The following PDE12 variants were observed in gnomAD, a reference collection of about 807,000 sequenced individuals.
The protein encoded by PDE12 is phosphodiesterase 12.
A neutral mutation model predicts 45.4 loss-of-function variants in PDE12; 26 were observed. The ratio of observed to expected loss-of-function variants is 0.57; its 90% CI spans 0.42 to 0.79. The LOEUF (loss-of-function observed/expected upper bound fraction) is 0.79. Ranked by LOEUF, PDE12 falls within the 30% of genes least tolerant of loss-of-function variation. The pLI, the probability that PDE12 is intolerant of heterozygous loss-of-function variation, is 0.00. For missense variants in PDE12, 668 were observed against 790.0 expected (o/e 0.85, Z 1.85); for synonymous variants, 283 against 323.9 (o/e 0.87, Z 1.36).
chr3:57,604,003 C>G, the PDE12 span, among the ~76,000 whole-genome samples: 1 of 151,164 alleles, frequency 6.6e-6, no homozygotes, highest in Non-Finnish European at 1.5e-5. Flanking sequence ...CAGCTTACTG[C>G]AGCCTCTGCC....
the PDE12 span, among the ~76,000 whole-genome samples, chr3:57,631,716 CTTTTTTTTTTTTTTT>C: frequency 1.1e-5 from 1 of 92,014 alleles, no homozygotes; most frequent in Admixed American, 1.4e-4. Context: ...TCTCTGCTCT[CTTTTTTTTTTTTTTT>C]TTTTTTTTTG....
At chr3:57,614,601 T>G in the PDE12 span, among the ~76,000 whole-genome samples, 2 of 143,536 alleles carry the variant, frequency 1.4e-5, no homozygotes, top group Admixed American at 1.5e-4. Context: ...TGGAGTGCAG[T>G]GGCGCGATCT....
At chr3:57,559,215 T>C (rs2069699678) in intron 1 of PDE12, 95 bp from the exon 2 acceptor site, 5 of 1,020,026 alleles carry the variant, frequency 4.9e-6, no homozygotes, top group Non-Finnish European at 7.5e-6. Context: ...AGTGAGACTG[T>C]CTCGAAAAAA....
At chr3:57,572,553 T>G in the PDE12 span, among the ~76,000 whole-genome samples, 1 of 152,108 alleles carries the variant, frequency 6.6e-6, no homozygotes, top group Non-Finnish European at 1.5e-5. Context: ...AGACTTTGTC[T>G]CTACTTTTTT....
the PDE12 span, among the ~76,000 whole-genome samples, chr3:57,578,006 G>C: frequency 6.6e-6 from 1 of 151,944 alleles, no homozygotes; most frequent in Non-Finnish European, 1.5e-5. Flanking sequence ...AGCTGAAATC[G>C]CACCACTGCA....
chr3:57,567,563 TAAC>T (rs1275778914), downstream of PDE12, among the ~76,000 whole-genome samples: 1 of 152,160 alleles, frequency 6.6e-6, no homozygotes, highest in Non-Finnish European at 1.5e-5. Flanking sequence ...TAGTAAGAAA[TAAC>T]AGCAGCCAAG....
the PDE12 span, among the ~76,000 whole-genome samples, chr3:57,640,209 C>G: frequency 1.4e-5 from 2 of 146,042 alleles, no homozygotes; most frequent in Non-Finnish European, 3.0e-5. Flanking sequence ...GCAGAGATTG[C>G]AGTGAGCCGA....
chr3:57,655,601 T>C, the PDE12 span, among the ~76,000 whole-genome samples: 1 of 152,190 alleles, frequency 6.6e-6, no homozygotes, highest in African/African-American at 2.4e-5. Flanking sequence ...CAAAATTTAG[T>C]TGCATGCACA....
At chr3:57,637,810 A>G in the PDE12 span, among the ~76,000 whole-genome samples, 2 of 63,118 alleles carry the variant, frequency 3.2e-5, no homozygotes, top group East Asian at 0.017. Context: ...GAAAACAAAA[A>G]AAATAAATAA....
chr3:57,645,200 C>A, the PDE12 span, among the ~76,000 whole-genome samples: 1 of 152,064 alleles, frequency 6.6e-6, no homozygotes, highest in Non-Finnish European at 1.5e-5. Flanking sequence ...TGGTGGCTCA[C>A]ACCTGTAATC....
chr3:57,625,057 C>T, the PDE12 span, among the ~76,000 whole-genome samples: 8 of 152,180 alleles, frequency 5.3e-5, no homozygotes, highest in African/African-American at 1.9e-4. Context: ...GCATGTGCCA[C>T]CATGCTCTGC....
chr3:57,602,324 C>G, the PDE12 span, among the ~76,000 whole-genome samples: 23 of 152,158 alleles, frequency 1.5e-4, no homozygotes, highest in Non-Finnish European at 1.5e-5. Context: ...TTGATCTCAT[C>G]TGACTGTAAT....
chr3:57,561,705 C>G lies in PDE12; in HGVS notation c.*1701C>G. On this transcript the variant is annotated 3_prime_UTR_variant, in exon 3 of 3. Coordinates refer to ENST00000311180, the MANE Select transcript of PDE12 (RefSeq NM_177966.7). ...TTTGATTTTCCCCAGTCATGAAAGC[C>G]CTTGTTTCAAATTCTTTAATCTCTG... 1.0e-6 allele frequency: 1 copy of G among 984,976 alleles called. No individual in the cohort carries two copies. Among genetic ancestry groups the G allele is most frequent in the Non-Finnish European group, 1.2e-6 (1 of 829,606 alleles). The allele number at this position is 984,976 out of a possible 1,614,324, so 61.0% of individuals were successfully genotyped here. A position where few individuals can be genotyped will look rare whatever the true frequency, so the allele number is the denominator to read the frequency against.
At chr3:57,633,434 T>C in the PDE12 span, 1 of 1,144,928 alleles carries the variant, frequency 8.7e-7, no homozygotes, top group Non-Finnish European at 1.3e-6. Context: ...TCAATTGCTA[T>C]GTAAATATAC....
chr3:57,585,576 T>A, the PDE12 span, among the ~76,000 whole-genome samples: 1 of 152,026 alleles, frequency 6.6e-6, no homozygotes, highest in Non-Finnish European at 1.5e-5. Context: ...GTAACAAACC[T>A]GCACATTGTG....
rs532508366 is a variant in PDE12 at position 57,563,297 on chromosome 3, A to G, written c.*3293A>G. ...AATGATCCTCCTGCCTCAGCGTCCCAAGTAGTTGAGATTACAAGCCCAACC... is the reference window on the plus strand; with the variant it reads ...AATGATCCTCCTGCCTCAGCGTCCCGAGTAGTTGAGATTACAAGCCCAACC... On this transcript the variant is annotated 3_prime_UTR_variant, in exon 3 of 3. Transcript: ENST00000311180. The G allele has an allele frequency of 1.3e-5, 2 of 152,100 alleles. No individual in the cohort carries two copies. The highest frequency in any genetic ancestry group is 2.4e-5 in the African/African-American group (1 of 41,432). The allele number at this position is 152,100 out of a possible 1,614,324, so 9.4% of individuals were successfully genotyped here. A position where few individuals can be genotyped will look rare whatever the true frequency, so the allele number is the denominator to read the frequency against.
the PDE12 span, chr3:57,633,215 T>C: frequency 6.9e-7 from 1 of 1,456,466 alleles, no homozygotes; most frequent in Non-Finnish European, 9.6e-7. Context: ...AACATTTATA[T>C]ACCCTTCACC....
At chr3:57,650,380 AT>A in the PDE12 span, among the ~76,000 whole-genome samples, 134 of 151,610 alleles carry the variant, frequency 8.8e-4, no homozygotes, top group Admixed American at 1.6e-3. Context: ...TTAATAAAAA[AT>A]AATTTAATAT....
the PDE12 span, among the ~76,000 whole-genome samples, chr3:57,632,021 CTTT>C: frequency 8.3e-5 from 8 of 96,012 alleles, no homozygotes; most frequent in Admixed American, 6.2e-4. Flanking sequence ...CGCGCCCGGC[CTTT>C]TTTTTTTTTT....
Sources: gnomAD v4.1 joint callset for allele counts (sites outside exome capture counted in the v4.1 genomes callset) on GRCh38, gnomAD v4.1.1 for gene constraint, MANE v1.5 for transcripts, NCBI Gene and HGNC (gene_info 2026-07-23, HGNC 2026-07-21) for gene names.